The following SLC30A6 variants were observed in gnomAD, a reference collection of about 807,000 sequenced individuals.
SLC30A6 encodes the protein solute carrier family 30 member 6, also known as zinc transporter 6.
Under a neutral mutation model 63.0 loss-of-function variants are expected in SLC30A6, and 55 were observed. The observed-to-expected ratio is 0.87, with a 90% CI of 0.70 to 1.09. SLC30A6 has a LOEUF of 1.09. Among genes scored for constraint, SLC30A6 ranks in the 50% least tolerant of loss-of-function variants. The probability of loss-of-function intolerance (pLI) is 0.00; values close to 1 mark genes in which losing one functional copy is unlikely to be tolerated. For synonymous variants in SLC30A6, 224 were observed against 186.1 expected, an observed-to-expected ratio of 1.20 and a Z score of -1.66; for missense variants, 587 against 549.2, an observed-to-expected ratio of 1.07 and a Z score of -0.69.
intron 10 of SLC30A6, among the ~76,000 whole-genome samples, chr2:32,199,777 C>G (rs1242128988): frequency 6.6e-6 from 1 of 152,156 alleles, no homozygotes; most frequent in African/African-American, 2.4e-5. Flanking sequence ...ACTCCCCAAG[C>G]CATTTCTAAT....
intron 7 of SLC30A6, among the ~76,000 whole-genome samples, chr2:32,193,635 T>G (rs538929886): frequency 6.6e-6 from 1 of 152,334 alleles, no homozygotes; most frequent in Admixed American, 6.5e-5. Context: ...TATACAGATT[T>G]ATAACAGCGT....
chr2:32,196,263 C>T (rs551207074), intron 8 of SLC30A6, among the ~76,000 whole-genome samples: 1 of 151,680 alleles, frequency 6.6e-6, no homozygotes, highest in African/African-American at 2.4e-5. Flanking sequence ...TGCAGTGAGC[C>T]GAGATCACGT....
chr2:32,204,016 C>A (rs1215739858), intron 10 of SLC30A6: 22 of 679,876 alleles, frequency 3.2e-5, no homozygotes, highest in Non-Finnish European at 5.7e-5. Flanking sequence ...GATAGTTAAT[C>A]TACCAGTATG....
chr2:32,190,893 G>A (rs1683268992), intron 5 of SLC30A6, among the ~76,000 whole-genome samples: 3 of 152,292 alleles, frequency 2.0e-5, no homozygotes, highest in Non-Finnish European at 4.4e-5. Flanking sequence ...AAAGTGCTGG[G>A]ATTGCATGTG....
chr2:32,216,169 CCCA>C (rs1685684182), intron 13 of SLC30A6, among the ~76,000 whole-genome samples: 1 of 152,108 alleles, frequency 6.6e-6, no homozygotes. Context: ...GATTTACATC[CCCA>C]CCAACAGTGT....
intron 2 of SLC30A6, among the ~76,000 whole-genome samples, chr2:32,172,771 A>G (rs181953205): frequency 8.0e-4 from 122 of 152,170 alleles, no homozygotes; most frequent in Middle Eastern, 3.4e-3. Flanking sequence ...TGTTCATTCA[A>G]TTTTCCAATT....
chr2:32,210,022 A>G (rs1008281724), intron 13 of SLC30A6, among the ~76,000 whole-genome samples: 1 of 152,204 alleles, frequency 6.6e-6, no homozygotes, highest in Non-Finnish European at 1.5e-5. Context: ...CAGTAACACA[A>G]CTTGCTTCAG....
intron 13 of SLC30A6, among the ~76,000 whole-genome samples, chr2:32,215,399 T>C (rs1265491998): frequency 6.6e-6 from 1 of 151,766 alleles, no homozygotes; most frequent in African/African-American, 2.4e-5. Flanking sequence ...TTTGCCATGT[T>C]GTCCAGTCTG....
chr2:32,193,642 G>A (rs1016210217), intron 7 of SLC30A6, among the ~76,000 whole-genome samples: 14 of 152,060 alleles, frequency 9.2e-5, no homozygotes, highest in Admixed American at 7.9e-4. Context: ...ATTTATAACA[G>A]CGTTTACCTG....
intron 10 of SLC30A6, among the ~76,000 whole-genome samples, chr2:32,201,168 A>C (rs953503580): frequency 6.6e-6 from 1 of 152,222 alleles, no homozygotes; most frequent in Admixed American, 6.5e-5. Flanking sequence ...TGTTTTTCAC[A>C]TGTGTATCTC....
In SLC30A6 at chr2:32,221,151, C is replaced by T. The variant is rs1015330883; in HGVS notation, c.*438C>T. 6 of 205,816 alleles carry T rather than the reference C, an allele frequency of 2.9e-5. No homozygotes were observed. Among genetic ancestry groups the T allele is most frequent in the Admixed American group, 1.6e-4 (3 of 18,766 alleles). The allele number at this position is 205,816 out of a possible 1,614,324, so 12.7% of individuals were successfully genotyped here. ...TAAGGCTGTACTTTATTAAGGCTTC[C>T]TTAGTTTTTGTTTTGTTTTGTTTTT... On this transcript the variant is annotated 3_prime_UTR_variant, in exon 14 of 14. Coordinates refer to ENST00000282587, the MANE Select transcript of SLC30A6 (RefSeq NM_017964.5).
At chr2:32,197,591 G>A (rs1281139581) in intron 9 of SLC30A6, 116 bp from the exon 10 acceptor site, 2 of 1,453,178 alleles carry the variant, frequency 1.4e-6, no homozygotes, top group Non-Finnish European at 9.4e-7. Context: ...AATCCTCTTT[G>A]CTTTCTTTAA....
At chr2:32,198,103 A>G (rs1160521934) in intron 10 of SLC30A6, among the ~76,000 whole-genome samples, 1 of 152,220 alleles carries the variant, frequency 6.6e-6, no homozygotes, top group East Asian at 1.9e-4. Context: ...AGTAAGAAAG[A>G]GATCTGAGCC....
chr2:32,169,873 A>C (rs1412236039), intron 1 of SLC30A6, among the ~76,000 whole-genome samples: 1 of 152,256 alleles, frequency 6.6e-6, no homozygotes, highest in African/African-American at 2.4e-5. Context: ...ACAAAGTTGC[A>C]AAAGCAAATG....
At chr2:32,187,470 C>T (rs2148839284) in intron 5 of SLC30A6, among the ~76,000 whole-genome samples, 1 of 152,240 alleles carries the variant, frequency 6.6e-6, no homozygotes, top group African/African-American at 2.4e-5. Context: ...TGACAGCTCC[C>T]ATTTTGGCTC....
intron 10 of SLC30A6, chr2:32,202,115 A>T: frequency 1.3e-6 from 1 of 745,212 alleles, no homozygotes; most frequent in Non-Finnish European, 2.2e-6. Flanking sequence ...GAACAGAAAG[A>T]AGGAACCTTC....
intron 13 of SLC30A6, among the ~76,000 whole-genome samples, chr2:32,215,623 T>G (rs2148908449): frequency 6.6e-6 from 1 of 151,348 alleles, no homozygotes; most frequent in East Asian, 1.9e-4. Flanking sequence ...CCTTAATAAT[T>G]CTGCCATCTA....
intron 5 of SLC30A6, among the ~76,000 whole-genome samples, chr2:32,188,329 C>G (rs1683016236): frequency 6.6e-6 from 1 of 152,188 alleles, no homozygotes; most frequent in Non-Finnish European, 1.5e-5. Context: ...CTTGTCACAT[C>G]AGACTACTAT....
intron 8 of SLC30A6, among the ~76,000 whole-genome samples, chr2:32,196,747 G>A (rs1683824652): frequency 1.3e-5 from 2 of 152,130 alleles, no homozygotes; most frequent in South Asian, 4.1e-4. Flanking sequence ...CAGCACACTA[G>A]TTAGGAAGCT....
Sources: allele counts gnomAD v4.1 joint callset (sites outside exome capture counted in the v4.1 genomes callset), GRCh38; gene constraint gnomAD v4.1.1; transcripts MANE v1.5; gene names NCBI Gene and HGNC (gene_info 2026-07-23, HGNC 2026-07-21).